Variants in USP32 observed in about 807,000 individuals in gnomAD.
USP32 encodes ubiquitin specific peptidase 32.
In USP32, 59 loss-of-function variants were observed where a neutral mutation model predicts 204.8. The observed-to-expected ratio is 0.29, with a 90% CI of 0.23 to 0.36. The LOEUF (loss-of-function observed/expected upper bound fraction) is 0.36. Ranked by LOEUF, USP32 falls within the 10% of genes least tolerant of loss-of-function variation. The pLI, the probability that USP32 is intolerant of heterozygous loss-of-function variation, is 1.00. For synonymous variants in USP32, 517 were observed against 678.4 expected (o/e 0.76, Z 3.70); for missense variants, 1,160 against 1,946.4 (o/e 0.60, Z 7.60).
intron 1 of USP32, among the ~76,000 whole-genome samples, chr17:60,373,553 C>T (rs948804473): frequency 1.3e-5 from 2 of 150,866 alleles, no homozygotes; most frequent in African/African-American, 2.5e-5. Flanking sequence ...AAGCAATTCT[C>T]GTGCCTCAGC....
chr17:60,215,039 C>T (rs2085066438), intron 16 of USP32, among the ~76,000 whole-genome samples: 1 of 152,108 alleles, frequency 6.6e-6, no homozygotes, highest in South Asian at 2.1e-4. Flanking sequence ...GTGATTTTGG[C>T]TCACTGCAGC....
chr17:60,289,535 A>T (rs1336538957), intron 4 of USP32, among the ~76,000 whole-genome samples: 3 of 152,220 alleles, frequency 2.0e-5, no homozygotes, highest in Non-Finnish European at 4.4e-5. Context: ...GTACACAGAG[A>T]ACAAAAAGAA....
chr17:60,278,458 AG>A (rs2086891189), intron 5 of USP32, among the ~76,000 whole-genome samples: 1 of 152,114 alleles, frequency 6.6e-6, no homozygotes, highest in Non-Finnish European at 1.5e-5. Flanking sequence ...AGAGAATCTA[AG>A]GGTTAACTAG....
intron 2 of USP32, among the ~76,000 whole-genome samples, chr17:60,344,677 A>G (rs1371314459): frequency 1.3e-5 from 2 of 151,768 alleles, no homozygotes; most frequent in Non-Finnish European, 2.9e-5. Flanking sequence ...CTGGCCTGGA[A>G]CTCCTGAGCT....
intron 4 of USP32, among the ~76,000 whole-genome samples, chr17:60,288,911 A>G (rs1427030757): frequency 6.6e-6 from 1 of 152,236 alleles, no homozygotes; most frequent in Admixed American, 6.5e-5. Context: ...GTTAACTACA[A>G]ATTATTTCAT....
At chr17:60,361,845 T>A (rs1404684991) in intron 1 of USP32, among the ~76,000 whole-genome samples, 1 of 152,108 alleles carries the variant, frequency 6.6e-6, no homozygotes, top group Non-Finnish European at 1.5e-5. Flanking sequence ...GAAAACAGTG[T>A]GGAGAGAGAA....
chr17:60,205,853 C>G (rs985754135), intron 25 of USP32, among the ~76,000 whole-genome samples, 195 bp from the exon 26 acceptor site: 1 of 152,052 alleles, frequency 6.6e-6, no homozygotes, highest in Non-Finnish European at 1.5e-5. Flanking sequence ...CACTTTTGGC[C>G]AAATGAAAAG....
intron 12 of USP32, among the ~76,000 whole-genome samples, chr17:60,231,918 C>T (rs1396827531): frequency 6.6e-6 from 1 of 152,106 alleles, no homozygotes; most frequent in Non-Finnish European, 1.5e-5. Flanking sequence ...TATTCATGCT[C>T]CAGTGAATCA....
chr17:60,275,025 T>C (rs1232449670), intron 5 of USP32, among the ~76,000 whole-genome samples: 1 of 152,254 alleles, frequency 6.6e-6, no homozygotes, highest in African/African-American at 2.4e-5. Flanking sequence ...TCATTTGTTT[T>C]GTTTATTGAG....
intron 1 of USP32, among the ~76,000 whole-genome samples, chr17:60,379,158 T>A (rs1254138822): frequency 2.6e-5 from 4 of 152,168 alleles, no homozygotes; most frequent in Non-Finnish European, 1.5e-5. Flanking sequence ...TTTTGCTTTC[T>A]CAAAGATATG....
chr17:60,420,192 C>T (rs1309829834), intron 1 of USP32, among the ~76,000 whole-genome samples: 2 of 150,438 alleles, frequency 1.3e-5, no homozygotes, highest in African/African-American at 4.9e-5. Flanking sequence ...GAGGGTTTTG[C>T]CATGTTGGCC....
intron 3 of USP32, among the ~76,000 whole-genome samples, chr17:60,295,898 C>T (rs1243740204): frequency 2.0e-5 from 3 of 152,052 alleles, no homozygotes; most frequent in Admixed American, 2.0e-4. Flanking sequence ...GGTCTTGGAA[C>T]AGATCTGTGC....
intron 1 of USP32, among the ~76,000 whole-genome samples, chr17:60,369,651 C>T (rs2089398849): frequency 1.3e-5 from 2 of 152,064 alleles, no homozygotes; most frequent in South Asian, 4.2e-4. Context: ...AGTAGCAATA[C>T]AAAACAAATA....
intron 1 of USP32, chr17:60,421,715 G>A: frequency 1.2e-6 from 1 of 801,810 alleles, no homozygotes; most frequent in South Asian, 5.7e-5. Context: ...GGCCCTGCCC[G>A]GCCAACTCAG....
At chr17:60,255,070 T>G (rs2086261129) in intron 10 of USP32, 105 bp downstream of exon 10, 3 of 651,830 alleles carry the variant, frequency 4.6e-6, no homozygotes, top group Admixed American at 3.2e-5. Flanking sequence ...TTTTAATATA[T>G]GGTTTTGCAG....
intron 30 of USP32, 29 bp from the exon 31 acceptor site, chr17:60,183,482 C>T (rs1338807460): frequency 1.9e-6 from 3 of 1,552,726 alleles, no homozygotes; most frequent in Non-Finnish European, 2.6e-6. Flanking sequence ...AAAACATCTG[C>T]ATTAAAGGGT....
chr17:60,389,325 T>A (rs1315991415), intron 1 of USP32, among the ~76,000 whole-genome samples: 7 of 151,570 alleles, frequency 4.6e-5, no homozygotes, highest in Non-Finnish European at 7.4e-5. Flanking sequence ...GTGGATCACC[T>A]GTGGTTGAGA....
chr17:60,213,758 T>C (rs1314610342), intron 17 of USP32, 96 bp from the exon 18 acceptor site: 24 of 1,451,054 alleles, frequency 1.7e-5, no homozygotes, highest in Middle Eastern at 3.6e-4. Flanking sequence ...AACAACTTCT[T>C]TGTAGTTATA....
At chr17:60,416,986 C>T (rs1050144861) in intron 1 of USP32, among the ~76,000 whole-genome samples, 4 of 147,682 alleles carry the variant, frequency 2.7e-5, no homozygotes, top group African/African-American at 5.0e-5. Flanking sequence ...GGTGTGATCT[C>T]GGCTCACTGC....
Sources: gnomAD v4.1 joint callset for allele counts (sites outside exome capture counted in the v4.1 genomes callset) on GRCh38, gnomAD v4.1.1 for gene constraint, MANE v1.5 for transcripts, NCBI Gene and HGNC (gene_info 2026-07-23, HGNC 2026-07-21) for gene names.